Variants in KCTD8 observed in about 807,000 individuals in gnomAD.
KCTD8 encodes the protein BTB/POZ domain-containing protein KCTD8.
A neutral mutation model predicts 31.5 loss-of-function variants in KCTD8; 27 were observed. That is an observed-to-expected ratio of 0.86 (90% CI 0.63 to 1.18). The LOEUF (loss-of-function observed/expected upper bound fraction) is 1.18, where lower values mean the gene tolerates loss of function less well. Among genes scored for constraint, KCTD8 ranks in the 50% most tolerant of loss-of-function variants. The probability of loss-of-function intolerance (pLI) is 0.00; values close to 1 mark genes in which losing one functional copy is unlikely to be tolerated. For synonymous variants in KCTD8, 290 were observed against 280.0 expected, an observed-to-expected ratio of 1.04 and a Z score of -0.36; for missense variants, 658 against 647.7, an observed-to-expected ratio of 1.02 and a Z score of -0.17.
intron 1 of KCTD8, among the ~76,000 whole-genome samples, chr4:44,317,464 C>T (rs964517777): frequency 5.7e-5 from 8 of 140,226 alleles, no homozygotes; most frequent in African/African-American, 2.6e-4. Flanking sequence ...TGGTCTCGAT[C>T]TCCTGACCTC....
At chr4:44,197,968 T>C (rs1046256669) in intron 1 of KCTD8, among the ~76,000 whole-genome samples, 3 of 152,118 alleles carry the variant, frequency 2.0e-5, no homozygotes, top group African/African-American at 7.2e-5. Context: ...TAAACTGAAC[T>C]TCTGGAATTG....
intron 1 of KCTD8, among the ~76,000 whole-genome samples, chr4:44,378,609 TA>T (rs945044869): frequency 1.3e-5 from 2 of 152,078 alleles, no homozygotes; most frequent in African/African-American, 4.8e-5. Flanking sequence ...TAATTAAGGA[TA>T]AAAATCCAAG....
At chr4:44,400,724 G>GCT (rs1720627796) in intron 1 of KCTD8, among the ~76,000 whole-genome samples, 1 of 85,880 alleles carries the variant, frequency 1.2e-5, no homozygotes, top group Non-Finnish European at 2.2e-5. Context: ...ATGAGACTCT[G>GCT]TCTCAAAAAA....
rs563068669 is a variant in KCTD8 at position 44,192,396 on chromosome 4, C to T, written c.962-17146G>A. On this transcript the variant is annotated intron_variant, in intron 1 of 1. Transcript: ENST00000360029. Reference sequence around the variant, plus strand: ...CCTATTATTACTGGCCTAGACTGAGCTCCTCATCCACTCGTATGTCCTGAG... The same window carrying T: ...CCTATTATTACTGGCCTAGACTGAGTTCCTCATCCACTCGTATGTCCTGAG... Among the ~76,000 whole-genome samples the T allele has an allele frequency of 1.0e-3, 157 of 151,518 alleles. 1 individual carries two copies. The highest frequency in any genetic ancestry group is 3.6e-3 in the African/African-American group (149 of 41,308).
intron 1 of KCTD8, among the ~76,000 whole-genome samples, chr4:44,199,345 A>C (rs1714059884): frequency 6.6e-6 from 1 of 152,072 alleles, no homozygotes; most frequent in African/African-American, 2.4e-5. Context: ...CAAACCACAG[A>C]ATATATATTC....
chr4:44,315,012 CA>C (rs894939494), intron 1 of KCTD8, among the ~76,000 whole-genome samples: 2 of 151,538 alleles, frequency 1.3e-5, no homozygotes, highest in African/African-American at 2.4e-5. Flanking sequence ...TTTATTATAT[CA>C]TTATCAGCTT....
At chr4:44,435,337 T>C (rs1472056574) in intron 1 of KCTD8, among the ~76,000 whole-genome samples, 4 of 152,062 alleles carry the variant, frequency 2.6e-5, no homozygotes, top group Admixed American at 6.6e-5. Context: ...CCAAGATCTC[T>C]GATTTTCTCT....
chr4:44,226,121 C>T (rs970140856), intron 1 of KCTD8, among the ~76,000 whole-genome samples: 1 of 152,132 alleles, frequency 6.6e-6, no homozygotes, highest in Admixed American at 6.5e-5. Context: ...AGCCACTGCG[C>T]CCGGCCCTCC....
chr4:44,430,682 T>C (rs1721481556), intron 1 of KCTD8, among the ~76,000 whole-genome samples: 1 of 151,652 alleles, frequency 6.6e-6, no homozygotes, highest in African/African-American at 2.4e-5. Context: ...AAGACAACAG[T>C]TGTAAAAATT....
At chr4:44,416,107 C>T (rs1721073548) in intron 1 of KCTD8, among the ~76,000 whole-genome samples, 1 of 152,228 alleles carries the variant, frequency 6.6e-6, no homozygotes, top group Admixed American at 6.5e-5. Context: ...GAATGCAGGA[C>T]ATGGAGTCAA....
intron 1 of KCTD8, among the ~76,000 whole-genome samples, chr4:44,348,933 T>C (rs1474798567): frequency 6.6e-6 from 1 of 152,210 alleles, no homozygotes; most frequent in Non-Finnish European, 1.5e-5. Context: ...CTGATTTTTT[T>C]CCTCTCTTTC....
At chr4:44,374,707 G>C (rs924465933) in intron 1 of KCTD8, among the ~76,000 whole-genome samples, 1 of 152,048 alleles carries the variant, frequency 6.6e-6, no homozygotes, top group Non-Finnish European at 1.5e-5. Flanking sequence ...GAGAGATGTG[G>C]GGGGAGGCTG....
intron 1 of KCTD8, among the ~76,000 whole-genome samples, chr4:44,245,136 T>G (rs1715615962): frequency 6.6e-6 from 1 of 152,124 alleles, no homozygotes; most frequent in African/African-American, 2.4e-5. Context: ...ATTTGTGACT[T>G]TCAAAGTCTA....
intron 1 of KCTD8, among the ~76,000 whole-genome samples, chr4:44,280,198 C>T (rs1716866984): frequency 6.6e-6 from 1 of 151,992 alleles, no homozygotes; most frequent in African/African-American, 2.4e-5. Flanking sequence ...GGCCAAAGCA[C>T]ACCTGTATTA....
chr4:44,422,374 G>A (rs1441489770), intron 1 of KCTD8, among the ~76,000 whole-genome samples: 1 of 151,988 alleles, frequency 6.6e-6, no homozygotes, highest in Non-Finnish European at 1.5e-5. Context: ...ATGGGAAGGA[G>A]GAACAGGAGA....
At chr4:44,343,969 C>T (rs1560431428) in intron 1 of KCTD8, among the ~76,000 whole-genome samples, 1 of 152,016 alleles carries the variant, frequency 6.6e-6, no homozygotes, top group Non-Finnish European at 1.5e-5. Flanking sequence ...AGTGATTCTC[C>T]TGCCTCAGCC....
At chr4:44,438,809 A>AG (rs1721746173) in intron 1 of KCTD8, among the ~76,000 whole-genome samples, 1 of 152,210 alleles carries the variant, frequency 6.6e-6, no homozygotes, top group African/African-American at 2.4e-5. Flanking sequence ...TAAATTAGTA[A>AG]GTGGCAAAAG....
intron 1 of KCTD8, among the ~76,000 whole-genome samples, chr4:44,407,389 CTT>C (rs753718961): frequency 1.6e-4 from 23 of 140,892 alleles, no homozygotes; most frequent in Admixed American, 2.1e-4. Flanking sequence ...CTCTTTTTTT[CTT>C]TTTTTTTTTT....
intron 1 of KCTD8, among the ~76,000 whole-genome samples, chr4:44,378,168 C>T (rs1235338883): frequency 6.7e-6 from 1 of 148,764 alleles, no homozygotes; most frequent in Non-Finnish European, 1.5e-5. Flanking sequence ...CCCTCCCATA[C>T]TTTTCCCTAC....
Sources: gnomAD v4.1 joint callset for allele counts (sites outside exome capture counted in the v4.1 genomes callset) on GRCh38, gnomAD v4.1.1 for gene constraint, MANE v1.5 for transcripts, NCBI Gene and HGNC (gene_info 2026-07-23, HGNC 2026-07-21) for gene names.